Variants in TRIM33 observed in about 807,000 individuals in gnomAD.
TRIM33 encodes tripartite motif containing 33.
In TRIM33, 20 loss-of-function variants were observed where a neutral mutation model predicts 125.4. That is an observed-to-expected ratio of 0.16 (90% CI 0.11 to 0.23). The LOEUF (loss-of-function observed/expected upper bound fraction) is 0.23, where lower values mean the gene tolerates loss of function less well. Ranked by LOEUF, TRIM33 falls within the 10% of genes least tolerant of loss-of-function variation. The pLI is 1.00. For missense variants in TRIM33, 920 were observed against 1,411.4 expected, an observed-to-expected ratio of 0.65 and a Z score of 5.58; for synonymous variants, 564 against 513.9, an observed-to-expected ratio of 1.10 and a Z score of -1.32.
Position 114,421,439 on chromosome 1 carries a change from T to G in TRIM33, c.2058A>C (p.Ile686=). 1 of 1,613,234 alleles carries G rather than the reference T, an allele frequency of 6.2e-7. No homozygotes were observed. The highest frequency in any genetic ancestry group is 8.5e-7 in the Non-Finnish European group (1 of 1,179,304). The change falls in exon 11 of 20, where the codon ATA becomes ATC. Residue 686 remains isoleucine, a synonymous_variant. Transcript: ENST00000358465. ...NLPSLPDIPP[I]QLEDAGSSSL... ...CTCATTCAACTCAAATACAAACCTG[T>G]ATGGGTGGAATATCTGGCAGCGATG... is the stretch of plus-strand genomic sequence containing the variant.
intron 1 of TRIM33, among the ~76,000 whole-genome samples, chr1:114,490,084 C>CAAAAA (rs776451339): frequency 6.5e-3 from 210 of 32,554 alleles, no homozygotes; most frequent in Non-Finnish European, 8.1e-3. Flanking sequence ...GACTCCGTCT[C>CAAAAA]AAAAAAAAAA....
intron 1 of TRIM33, among the ~76,000 whole-genome samples, chr1:114,476,970 C>T (rs1202342884): frequency 6.6e-6 from 1 of 152,042 alleles, no homozygotes; most frequent in Non-Finnish European, 1.5e-5. Context: ...TTTATAGAGC[C>T]CGACATTGTT....
chr1:114,477,330 C>T (rs765243072), intron 1 of TRIM33, among the ~76,000 whole-genome samples: 1 of 150,866 alleles, frequency 6.6e-6, no homozygotes, highest in South Asian at 2.1e-4. Context: ...GCATTTAAAG[C>T]TAGCAAAACC....
At chr1:114,463,663 AATT>A in intron 2 of TRIM33, 107 bp from the exon 3 acceptor site, 1 of 687,096 alleles carries the variant, frequency 1.5e-6, no homozygotes, top group South Asian at 2.0e-5. Flanking sequence ...CACAGAATAA[AATT>A]ATTTTGTTAT....
At chr1:114,421,394 A>G in intron 11 of TRIM33, 42 bp downstream of exon 11, 1 of 1,542,500 alleles carries the variant, frequency 6.5e-7, no homozygotes, top group Non-Finnish European at 9.0e-7. Context: ...CTCTGTAATT[A>G]ACATTAAGTT....
chr1:114,473,351 C>A (rs938968065), intron 1 of TRIM33, among the ~76,000 whole-genome samples: 1 of 151,944 alleles, frequency 6.6e-6, no homozygotes, highest in Non-Finnish European at 1.5e-5. Flanking sequence ...GGTGAACGCA[C>A]ACCTGGACAA....
At chr1:114,403,339 C>CA (rs1230052549) in intron 15 of TRIM33, among the ~76,000 whole-genome samples, 2 of 152,166 alleles carry the variant, frequency 1.3e-5, no homozygotes, top group African/African-American at 4.8e-5. Flanking sequence ...CTAGAACACA[C>CA]AAACACATAC....
At position 114,506,881 on chromosome 1, in the gene TRIM33, C is replaced by G. The variant is rs1353320147; in HGVS notation, c.526+3670G>C. Among the ~76,000 whole-genome samples the G allele has an allele frequency of 1.3e-5, 2 of 152,268 alleles. 1 individual carries two copies. The highest frequency in any genetic ancestry group is 4.1e-4 in the South Asian group (2 of 4,826). ...CAAAGTGTGGTGGTACCACCAGCAT[C>G]AAAATCACAGGGCACCTGTTAAAAA... On this transcript the variant is annotated intron_variant, in intron 1 of 19. Transcript: ENST00000358465.
intron 4 of TRIM33, among the ~76,000 whole-genome samples, chr1:114,453,059 C>T (rs899332686): frequency 6.6e-6 from 1 of 151,950 alleles, no homozygotes; most frequent in Non-Finnish European, 1.5e-5. Flanking sequence ...GAGCAGAAAG[C>T]GTTAGTTAAG....
intron 10 of TRIM33, among the ~76,000 whole-genome samples, chr1:114,423,569 T>C (rs769494683): frequency 6.6e-6 from 1 of 152,092 alleles, no homozygotes; most frequent in Non-Finnish European, 1.5e-5. Context: ...TTCTTTCTTT[T>C]TTTTTTGTTA....
chr1:114,485,393 G>C (rs1651619338), intron 1 of TRIM33, among the ~76,000 whole-genome samples: 1 of 152,052 alleles, frequency 6.6e-6, no homozygotes, highest in Non-Finnish European at 1.5e-5. Context: ...AGGAATAAGG[G>C]GGTAAGAGAC....
chr1:114,489,535 G>A (rs2101528016), intron 1 of TRIM33, among the ~76,000 whole-genome samples: 1 of 152,206 alleles, frequency 6.6e-6, no homozygotes, highest in African/African-American at 2.4e-5. Context: ...CTTGGACCCA[G>A]GAGTTTGAGA....
chr1:114,433,844 C>A, intron 4 of TRIM33, 111 bp from the exon 5 acceptor site: 1 of 641,484 alleles, frequency 1.6e-6, no homozygotes, highest in Non-Finnish European at 2.7e-6. Context: ...GTGATCAACT[C>A]TATGCTGGCC....
chr1:114,413,472 C>G (rs1288572759), intron 11 of TRIM33, among the ~76,000 whole-genome samples: 5 of 146,842 alleles, frequency 3.4e-5, no homozygotes, highest in African/African-American at 1.3e-4. Context: ...ACAGGAGAAT[C>G]ATTTGAACCT....
intron 6 of TRIM33, among the ~76,000 whole-genome samples, chr1:114,428,367 T>C (rs1157965853): frequency 2.6e-5 from 4 of 152,188 alleles, no homozygotes; most frequent in Non-Finnish European, 5.9e-5. Context: ...CTTCCAGAGT[T>C]CTAAGAGTAG....
At chr1:114,487,626 G>C (rs549300372) in intron 1 of TRIM33, among the ~76,000 whole-genome samples, 1 of 151,884 alleles carries the variant, frequency 6.6e-6, no homozygotes, top group African/African-American at 2.4e-5. Flanking sequence ...GGCCGGGCGC[G>C]GTGGCTCACG....
At chr1:114,445,306 C>T (rs1648910264) in intron 4 of TRIM33, among the ~76,000 whole-genome samples, 2 of 152,138 alleles carry the variant, frequency 1.3e-5, no homozygotes, top group Admixed American at 6.5e-5. Context: ...GGCATGATCA[C>T]AGCTCACTGC....
At chr1:114,505,523 CAT>C (rs66509082) in intron 1 of TRIM33, among the ~76,000 whole-genome samples, 28,245 of 152,072 alleles carry the variant, frequency 0.19, 2,736 homozygotes, top group South Asian at 0.22. Context: ...CCCACTTACA[CAT>C]GATTGTTGCC....
intron 10 of TRIM33, 126 bp downstream of exon 10, chr1:114,424,465 A>AGAG: frequency 1.4e-6 from 1 of 719,670 alleles, no homozygotes; most frequent in East Asian, 2.9e-5. Context: ...TTCTGGGACA[A>AGAG]GAGGATATAC....
Sources: gnomAD v4.1 joint callset for allele counts (sites outside exome capture counted in the v4.1 genomes callset) on GRCh38, gnomAD v4.1.1 for gene constraint, MANE v1.5 for transcripts, NCBI Gene and HGNC (gene_info 2026-07-23, HGNC 2026-07-21) for gene names.